The following SPAG17 variants were observed in gnomAD, a reference collection of about 807,000 sequenced individuals.
The protein encoded by SPAG17 is sperm associated antigen 17, also known as sperm-associated antigen 17.
A neutral mutation model predicts 273.6 loss-of-function variants in SPAG17; 169 were observed. That is an observed-to-expected ratio of 0.62 (90% CI 0.55 to 0.70). The LOEUF (loss-of-function observed/expected upper bound fraction) is 0.70, where lower values mean the gene tolerates loss of function less well. Ranked by LOEUF, SPAG17 falls within the 30% of genes least tolerant of loss-of-function variation. SPAG17 has a pLI of 0.00. For synonymous variants in SPAG17, 825 were observed against 873.2 expected, an observed-to-expected ratio of 0.94 and a Z score of 0.97; for missense variants, 2,557 against 2,627.8, an observed-to-expected ratio of 0.97 and a Z score of 0.59.
intron 32 of SPAG17, among the ~76,000 whole-genome samples, chr1:118,002,532 A>T (rs1658412423): frequency 6.6e-6 from 1 of 152,052 alleles, no homozygotes. Context: ...ATATATTTAG[A>T]ATAGTTAGTT....
intron 3 of SPAG17, among the ~76,000 whole-genome samples, chr1:118,133,992 A>C (rs529159280): frequency 6.6e-6 from 1 of 152,368 alleles, no homozygotes; most frequent in East Asian, 1.9e-4. Context: ...TTTGCTTGTC[A>C]AATTGACTAG....
intron 46 of SPAG17, among the ~76,000 whole-genome samples, chr1:117,968,242 A>T (rs535852062): frequency 6.6e-6 from 1 of 152,354 alleles, no homozygotes; most frequent in South Asian, 2.1e-4. Flanking sequence ...AAACTTAAAA[A>T]AATAAACTAA....
intron 18 of SPAG17, among the ~76,000 whole-genome samples, chr1:118,063,140 G>A (rs535087791): frequency 1.2e-4 from 18 of 152,220 alleles, no homozygotes; most frequent in African/African-American, 3.6e-4. Context: ...AATCAGTATC[G>A]TGAAAATGGC....
At chr1:118,141,188 G>A (rs1263344767) in intron 3 of SPAG17, among the ~76,000 whole-genome samples, 1 of 152,158 alleles carries the variant, frequency 6.6e-6, no homozygotes, top group Non-Finnish European at 1.5e-5. Flanking sequence ...ATGAGGCCAG[G>A]CAGTTATAAC....
In SPAG17 at chr1:117,988,148, G is replaced by A. The variant is rs751226343; in HGVS notation, c.5578C>T (p.Pro1860Ser). The change falls in exon 39 of 49, where the codon CCA becomes TCA. Residue 1860 changes from proline (P) to serine (S), a missense_variant. Physicochemically the swap from Pro to Ser is moderately conservative, Grantham distance 74. Coordinates refer to ENST00000336338, the MANE Select transcript of SPAG17 (RefSeq NM_206996.4). ...KQSLATPPKCPPDTFGKDFFE... is the reference protein window; with the variant it reads ...KQSLATPPKCSPDTFGKDFFE... ...AAATCTTTACCAAATGTGTCTGGTG[G>A]GCATTTTGGAGGCGTAGCCAAAGAC... The A allele has an allele frequency of 5.6e-6, 9 of 1,607,594 alleles. No homozygotes were observed. The highest frequency in any genetic ancestry group is 6.8e-6 in the Non-Finnish European group (8 of 1,178,290).
chr1:117,994,001 GA>G (rs1313641065), intron 35 of SPAG17, among the ~76,000 whole-genome samples: 3 of 151,262 alleles, frequency 2.0e-5, no homozygotes, highest in Non-Finnish European at 3.0e-5. Context: ...AATATATGAA[GA>G]AAAAAAGGGA....
chr1:118,087,931 T>C (rs551135044), intron 10 of SPAG17, among the ~76,000 whole-genome samples: 1 of 152,326 alleles, frequency 6.6e-6, no homozygotes, highest in South Asian at 2.1e-4. Context: ...ACCCTTCCAG[T>C]TGTGACAACC....
At chr1:117,969,023 G>T (rs1654238486) in intron 46 of SPAG17, among the ~76,000 whole-genome samples, 1 of 152,170 alleles carries the variant, frequency 6.6e-6, no homozygotes, top group Admixed American at 6.5e-5. Flanking sequence ...GCTGAGTGAA[G>T]TATGAAGTAA....
intron 1 of SPAG17, among the ~76,000 whole-genome samples, chr1:118,158,602 TAGGG>T (rs1659767801): frequency 1.3e-5 from 2 of 152,190 alleles, no homozygotes; most frequent in Admixed American, 1.3e-4. Flanking sequence ...TTATTTTTGA[TAGGG>T]AGCCTTAGTG....
intron 1 of SPAG17, among the ~76,000 whole-genome samples, chr1:118,161,692 C>G (rs866177514): frequency 3.3e-5 from 5 of 152,122 alleles, no homozygotes; most frequent in Admixed American, 2.6e-4. Flanking sequence ...CGCCCGCCCC[C>G]ACCTGGCTAA....
intron 1 of SPAG17, among the ~76,000 whole-genome samples, chr1:118,176,581 G>A (rs1459220598): frequency 1.3e-5 from 2 of 152,108 alleles, no homozygotes; most frequent in Admixed American, 1.3e-4. Context: ...TAGTTGTAAA[G>A]GGAGAGATAG....
intron 1 of SPAG17, among the ~76,000 whole-genome samples, chr1:118,177,314 A>T (rs1330993555): frequency 2.6e-5 from 4 of 152,214 alleles, no homozygotes; most frequent in African/African-American, 9.6e-5. Context: ...CATATGAGCC[A>T]GTTCAGGGGA....
At chr1:118,119,792 C>T (rs1657315172) in intron 3 of SPAG17, among the ~76,000 whole-genome samples, 1 of 152,118 alleles carries the variant, frequency 6.6e-6, no homozygotes, top group African/African-American at 2.4e-5. Context: ...TATAATCGTT[C>T]TTTACCACAG....
At chr1:117,970,189 A>T (rs1654395694) in intron 45 of SPAG17, 73 bp from the exon 46 acceptor site, 2 of 1,453,494 alleles carry the variant, frequency 1.4e-6, no homozygotes, top group Non-Finnish European at 1.9e-6. Flanking sequence ...CTGGGATGTT[A>T]TAAAATAAGG....
In SPAG17 at chr1:118,025,407, A is replaced by G. The variant is rs751282421; in HGVS notation, c.3740T>C (p.Val1247Ala). 1.3e-5 allele frequency: 21 copies of G among 1,561,754 alleles called. No individual in the cohort carries two copies. Among genetic ancestry groups the G allele is most frequent in the Non-Finnish European group, 1.8e-5 (21 of 1,157,852 alleles). The change falls in exon 27 of 49, where the codon GTT (valine) becomes GCT (alanine). Residue 1247 changes from valine to alanine, a missense_variant. By Grantham distance (64) the Val-to-Ala change is moderately conservative. Coordinates refer to ENST00000336338, the MANE Select transcript of SPAG17 (RefSeq NM_206996.4). ...FIGQESTGQY[V>A]IDEEPTWDIM... ...GTCCCAGGTGGGTTCCTCATCTATA[A>G]CATATTGACCTAAAAAAAGAATAAA... is the stretch of plus-strand genomic sequence containing the variant.
At chr1:118,072,940 G>C (rs1252941195) in intron 17 of SPAG17, among the ~76,000 whole-genome samples, 1 of 151,890 alleles carries the variant, frequency 6.6e-6, no homozygotes. Flanking sequence ...AGAGATCACC[G>C]AGTAAAGTAA....
At chr1:118,161,335 A>G (rs1112933) in intron 1 of SPAG17, among the ~76,000 whole-genome samples, 9,479 of 152,198 alleles carry the variant, frequency 0.062, 443 homozygotes, top group East Asian at 0.27. Context: ...GACCTGTCAT[A>G]GGGTAAGGAA....
chr1:118,054,151 C>T (rs1651390062), intron 19 of SPAG17, 58 bp from the exon 20 acceptor site: 6 of 1,133,664 alleles, frequency 5.3e-6, no homozygotes, highest in Non-Finnish European at 6.4e-6. Context: ...TCATAGAAGG[C>T]CCAAATCTCT....
chr1:118,033,179 C>A (rs986669305), intron 24 of SPAG17, among the ~76,000 whole-genome samples: 2 of 152,172 alleles, frequency 1.3e-5, no homozygotes, highest in African/African-American at 4.8e-5. Context: ...CCAAAATTAA[C>A]ATCTCAAGGC....
Sources: allele counts gnomAD v4.1 joint callset (sites outside exome capture counted in the v4.1 genomes callset), GRCh38; gene constraint gnomAD v4.1.1; transcripts MANE v1.5; gene names NCBI Gene and HGNC (gene_info 2026-07-23, HGNC 2026-07-21).